Variants in MCM6 observed in about 807,000 individuals in gnomAD.
The protein encoded by MCM6 is minichromosome maintenance complex component 6.
MCM6 carries 46 observed loss-of-function variants against 94.3 expected under a neutral mutation model. That is an observed-to-expected ratio of 0.49 (90% CI 0.39 to 0.62). The LOEUF is 0.62. Among genes scored for constraint, MCM6 ranks in the 20% least tolerant of loss-of-function variants. The probability of loss-of-function intolerance (pLI) is 0.00; values close to 1 mark genes in which losing one functional copy is unlikely to be tolerated. For missense variants in MCM6, 865 were observed against 1,017.9 expected (o/e 0.85, Z 2.04); for synonymous variants, 335 against 351.9 (o/e 0.95, Z 0.54).
chr2:135,847,941 C>T (rs1393968474), intron 14 of MCM6, 112 bp downstream of exon 14: 15 of 685,006 alleles, frequency 2.2e-5, no homozygotes, highest in Admixed American at 1.2e-4. Context: ...CTGCTTTTTC[C>T]GTTTTGCTAC....
chr2:135,856,139 A>T (rs891846425), intron 11 of MCM6, among the ~76,000 whole-genome samples: 5 of 152,160 alleles, frequency 3.3e-5, no homozygotes, highest in African/African-American at 9.7e-5. Flanking sequence ...ATTGTATAAA[A>T]ATCTTAAGAG....
chr2:135,847,858 A>T (rs1160197612), intron 14 of MCM6, among the ~76,000 whole-genome samples, 195 bp downstream of exon 14: 1 of 152,188 alleles, frequency 6.6e-6, no homozygotes, highest in Admixed American at 6.5e-5. Flanking sequence ...CACCGTGCCC[A>T]GCCAAGTATA....
At chr2:135,842,945 A>T (rs2105570165) in intron 16 of MCM6, among the ~76,000 whole-genome samples, 1 of 152,350 alleles carries the variant, frequency 6.6e-6, no homozygotes, top group South Asian at 2.1e-4. Flanking sequence ...GTAGTAAAAT[A>T]ATCTGATTTA....
intron 8 of MCM6, among the ~76,000 whole-genome samples, chr2:135,860,246 C>T (rs1679965387): frequency 2.0e-5 from 3 of 152,116 alleles, no homozygotes; most frequent in South Asian, 2.1e-4. Context: ...CATTCTCCTG[C>T]TTCAGCCTCT....
Position 135,840,924 on chromosome 2 carries a change from C to A in MCM6, c.2377G>T (p.Ala793Ser), listed in dbSNP as rs746673349. ...CCCTCTGTGGAGCCTTTCAATCCAG[C>A]CTGGGTGAGCTCAATTAGAACATGA... Reference protein sequence around the residue: ...YDHVLIELTQAGLKGSTEGSE... With the variant: ...YDHVLIELTQSGLKGSTEGSE... The change falls in exon 17 of 17, where the codon GCT becomes TCT. Residue 793 changes from alanine to serine, a missense_variant. Ala to Ser is a moderately conservative substitution (Grantham distance 99, BLOSUM62 1). Transcript: ENST00000264156. 6 of 1,614,052 alleles carry A rather than the reference C, an allele frequency of 3.7e-6. No individual in the cohort carries two copies. Among genetic ancestry groups the A allele is most frequent in the South Asian group, 1.1e-5 (1 of 91,078 alleles).
At chr2:135,862,797 G>A in intron 7 of MCM6, 49 bp from the exon 8 acceptor site, 1 of 1,594,414 alleles carries the variant, frequency 6.3e-7, no homozygotes, top group South Asian at 1.1e-5. Flanking sequence ...TCAACATGAA[G>A]TTAAACACTT....
chr2:135,853,039 T>C, intron 11 of MCM6, 124 bp from the exon 12 acceptor site: 4 of 756,586 alleles, frequency 5.3e-6, no homozygotes, highest in Non-Finnish European at 8.1e-6. Flanking sequence ...GAAGTATTAA[T>C]GGGTACCAAG....
At chr2:135,842,449 A>G (rs1205085670) in intron 16 of MCM6, among the ~76,000 whole-genome samples, 1 of 152,204 alleles carries the variant, frequency 6.6e-6, no homozygotes, top group African/African-American at 2.4e-5. Context: ...CATAATAGGA[A>G]AATTTAACCA....
intron 9 of MCM6, among the ~76,000 whole-genome samples, chr2:135,858,458 G>A (rs1679931100): frequency 6.6e-6 from 1 of 152,142 alleles, no homozygotes; most frequent in Admixed American, 6.6e-5. Context: ...CTGCACTCCA[G>A]CCTGGGCGAC....
rs1680018522 is a variant in MCM6 at position 135,862,696 on chromosome 2, T to C, written c.1131A>G (p.Pro377=). Residue 377 remains proline (P), a synonymous_variant, in exon 8 of 17, where the codon CCA becomes CCG. Transcript: ENST00000264156. ...GVLLMLFGGV[P]KTTGEGTSLR... The stretch of plus-strand genomic sequence containing the variant: ...GAGAGGTCCCTTCTCCTGTTGTCTT[T>C]GGAACGCCACCAAAGAGCATCAGCA... 6.2e-7 allele frequency: 1 copy of C among 1,614,202 alleles called. No individual in the cohort carries two copies. The highest frequency in any genetic ancestry group is 8.5e-7 in the Non-Finnish European group (1 of 1,180,030).
At chr2:135,871,427 AAC>A (rs1680198426) in intron 2 of MCM6, among the ~76,000 whole-genome samples, 1 of 152,236 alleles carries the variant, frequency 6.6e-6, no homozygotes, top group Non-Finnish European at 1.5e-5. Context: ...TATGACCAGA[AAC>A]ACAGACAAAT....
intron 14 of MCM6, among the ~76,000 whole-genome samples, chr2:135,846,720 C>T (rs1391486255): frequency 6.6e-6 from 1 of 151,822 alleles, no homozygotes; most frequent in South Asian, 2.1e-4. Context: ...ACAAAATAAA[C>T]CGGCTAGGTG....
At chr2:135,874,802 G>C (rs1680266069) in intron 1 of MCM6, among the ~76,000 whole-genome samples, 1 of 152,134 alleles carries the variant, frequency 6.6e-6, no homozygotes, top group Non-Finnish European at 1.5e-5. Context: ...AAGCGTTTCA[G>C]AAAAGGGATA....
chr2:135,839,689 T>C lies in MCM6; in HGVS notation c.*1146A>G, dbSNP rs1679531962. ...ATTGTACATACTTGTGGAGTACATT[T>C]TGACAAGGTTTCATACAAGTTGATT... On this transcript the variant is annotated 3_prime_UTR_variant, in exon 17 of 17. Coordinates refer to ENST00000264156, the MANE Select transcript of MCM6 (RefSeq NM_005915.6). 2.6e-5 allele frequency: 4 copies of C among 152,246 alleles called. No individual in the cohort carries two copies. 9.4% of individuals were successfully genotyped at this position (152,246 alleles called of 1,614,324 possible).
At chr2:135,866,313 T>C in intron 5 of MCM6, 36 bp from the exon 6 acceptor site, 1 of 1,610,724 alleles carries the variant, frequency 6.2e-7, no homozygotes, top group Non-Finnish European at 8.5e-7. Context: ...ACAACTTAAA[T>C]ATTAAAGGTG....
At chr2:135,849,193 G>A (rs1054532664) in intron 13 of MCM6, among the ~76,000 whole-genome samples, 2 of 152,134 alleles carry the variant, frequency 1.3e-5, no homozygotes, top group Non-Finnish European at 2.9e-5. Flanking sequence ...TTTCTCTGGC[G>A]AATGAAATGT....
At position 135,872,862 on chromosome 2, in the gene MCM6, C is replaced by A; in HGVS notation, c.108-19G>T. On this transcript the variant is annotated intron_variant, in intron 1 of 16. Coordinates refer to ENST00000264156, the MANE Select transcript of MCM6 (RefSeq NM_005915.6). ...CTGAAACCTGCAGGTACATTCGAGT[C>A]AACTAGATTAAGGACACAGGCAGTA... 6.2e-7 allele frequency: 1 copy of A among 1,612,778 alleles called. No homozygotes were observed. Among genetic ancestry groups the A allele is most frequent in the South Asian group, 1.1e-5 (1 of 90,922 alleles).
intron 1 of MCM6, among the ~76,000 whole-genome samples, chr2:135,874,154 G>T (rs191814925): frequency 6.6e-6 from 1 of 152,342 alleles, no homozygotes; most frequent in East Asian, 1.9e-4. Flanking sequence ...TCATCTAGCT[G>T]CAAAGTCAAG....
At chr2:135,875,081 G>C (rs915366172) in intron 1 of MCM6, among the ~76,000 whole-genome samples, 1 of 152,182 alleles carries the variant, frequency 6.6e-6, no homozygotes, top group African/African-American at 2.4e-5. Flanking sequence ...AAGATGAAAA[G>C]AGTTTGGAGC....
Sources: gnomAD v4.1 joint callset for allele counts (sites outside exome capture counted in the v4.1 genomes callset) on GRCh38, gnomAD v4.1.1 for gene constraint, MANE v1.5 for transcripts, NCBI Gene and HGNC (gene_info 2026-07-23, HGNC 2026-07-21) for gene names.